GATAD1: variants seen among roughly 807,000 people sequenced by gnomAD.
GATAD1 encodes GATA zinc finger domain-containing protein 1.
A neutral mutation model predicts 26.5 loss-of-function variants in GATAD1; 12 were observed. That is an observed-to-expected ratio of 0.45 (90% CI 0.29 to 0.73). GATAD1 has a LOEUF of 0.73. Ranked by LOEUF, GATAD1 falls within the 30% of genes least tolerant of loss-of-function variation. GATAD1 has a pLI of 0.10. For synonymous variants in GATAD1, 129 were observed against 133.1 expected, an observed-to-expected ratio of 0.97 and a Z score of 0.21; for missense variants, 266 against 342.1, an observed-to-expected ratio of 0.78 and a Z score of 1.75.
chr7:92,473,998 GCTTA>G, the GATAD1 span, among the ~76,000 whole-genome samples: 3 of 152,060 alleles, frequency 2.0e-5, no homozygotes, highest in African/African-American at 4.8e-5. Flanking sequence ...CGAGGGGGCG[GCTTA>G]CTTCTACTTG....
chr7:92,447,533 CCT>C lies in GATAD1; in HGVS notation c.-196_-195del. The stretch of plus-strand genomic sequence containing the variant: ...TCGGGCCAGGGAATCCTGGCCTCCG[CCT>C]GCGGAGCCGGCGGAACCCGCTTCCC... On this transcript the variant is annotated 5_prime_UTR_variant, in exon 1 of 5. Transcript: ENST00000287957. The C allele has an allele frequency of 1.8e-6, 1 of 555,450 alleles. No homozygotes were observed. The highest frequency in any genetic ancestry group is 2.7e-6 in the Non-Finnish European group (1 of 369,594). The allele number at this position is 555,450 out of a possible 1,614,324, so 34.4% of individuals were successfully genotyped here.
At chr7:92,487,568 A>G in the GATAD1 span, 400 of 1,056,464 alleles carry the variant, frequency 3.8e-4, no homozygotes, top group Non-Finnish European at 1.0e-5. Flanking sequence ...ATAATTTAAT[A>G]TGTATAAATA....
the GATAD1 span, chr7:92,494,659 G>A: frequency 6.2e-7 from 1 of 1,610,308 alleles, no homozygotes; most frequent in East Asian, 2.2e-5. Context: ...TTTCATATTT[G>A]AATCAGGCTT....
At chr7:92,449,083 G>A in intron 2 of GATAD1, 1 of 1,082,772 alleles carries the variant, frequency 9.2e-7, no homozygotes, top group Non-Finnish European at 1.2e-6. Flanking sequence ...TTTCCTTTTT[G>A]TTTTTTAGCT....
chr7:92,468,101 A>T, the GATAD1 span, among the ~76,000 whole-genome samples: 3 of 152,192 alleles, frequency 2.0e-5, no homozygotes, highest in Non-Finnish European at 2.9e-5. Flanking sequence ...TTATAGCTCT[A>T]TTAGAAGCTG....
chr7:92,480,471 A>G, the GATAD1 span, among the ~76,000 whole-genome samples: 1 of 152,194 alleles, frequency 6.6e-6, no homozygotes, highest in African/African-American at 2.4e-5. Flanking sequence ...CTGAGAAGTG[A>G]TTTCCTTGAG....
At chr7:92,449,356 A>C (rs1789318535) in intron 2 of GATAD1, 1 of 960,618 alleles carries the variant, frequency 1.0e-6, no homozygotes, top group African/African-American at 1.8e-5. Flanking sequence ...TATTTGATGA[A>C]TATGAGTCAA....
the GATAD1 span, among the ~76,000 whole-genome samples, chr7:92,479,821 C>T: frequency 1.3e-5 from 2 of 151,902 alleles, no homozygotes; most frequent in Non-Finnish European, 2.9e-5. Flanking sequence ...TTGTATAGAA[C>T]GATTGGTGAT....
At chr7:92,494,297 T>C in the GATAD1 span, 1 of 1,611,120 alleles carries the variant, frequency 6.2e-7, no homozygotes, top group Non-Finnish European at 8.5e-7. Flanking sequence ...TGTCACCTGA[T>C]CAGGAGGAGG....
the GATAD1 span, chr7:92,468,327 T>G: frequency 1.2e-5 from 2 of 173,064 alleles, no homozygotes; most frequent in Non-Finnish European, 2.4e-5. Context: ...ACAGCAGTGG[T>G]GGATGGCGAG....
At chr7:92,455,602 A>C (rs1389783458) in intron 4 of GATAD1, among the ~76,000 whole-genome samples, 1 of 152,178 alleles carries the variant, frequency 6.6e-6, no homozygotes, top group Non-Finnish European at 1.5e-5. Context: ...TCAGATTTTT[A>C]CAGTTACTTC....
At chr7:92,451,386 G>T (rs1789423143) in intron 3 of GATAD1, among the ~76,000 whole-genome samples, 2 of 152,226 alleles carry the variant, frequency 1.3e-5, no homozygotes, top group Admixed American at 6.5e-5. Context: ...AAAGGAATTA[G>T]AACATAGACC....
chr7:92,470,102 G>A, the GATAD1 span: 2 of 778,654 alleles, frequency 2.6e-6, no homozygotes, highest in African/African-American at 3.4e-5. Flanking sequence ...GGACAACTAG[G>A]ATTAATCATT....
At chr7:92,477,304 C>A in the GATAD1 span, 1 of 152,356 alleles carries the variant, frequency 6.6e-6, no homozygotes, top group African/African-American at 2.4e-5. Context: ...AACTGGCCGA[C>A]AAGTGCCCGG....
the GATAD1 span, among the ~76,000 whole-genome samples, chr7:92,490,575 C>T: frequency 7.3e-6 from 1 of 137,048 alleles, no homozygotes; most frequent in Non-Finnish European, 1.5e-5. Context: ...GTCAAGGCTG[C>T]AGTGAGCCAT....
rs748482438 is a variant in GATAD1, at chr7:92,447,988, T to TC, written c.249+12dup. ...CGGGGGCGGCAAGCAGGTGAGCTCC[T>TC]CCGGCCCCTCCCGCCGGCGGAGGCC... On this transcript the variant is annotated intron_variant, in intron 1 of 4. Coordinates refer to ENST00000287957, the MANE Select transcript of GATAD1 (RefSeq NM_021167.5). 1 of 1,212,634 alleles carries TC rather than the reference T, an allele frequency of 8.2e-7. No homozygotes were observed. Among genetic ancestry groups the TC allele is most frequent in the South Asian group, 4.1e-5 (1 of 24,334 alleles). 75.1% of individuals were successfully genotyped at this position (1,212,634 alleles called of 1,614,324 possible).
chr7:92,476,632 T>C, the GATAD1 span, among the ~76,000 whole-genome samples: 1 of 152,096 alleles, frequency 6.6e-6, no homozygotes, highest in East Asian at 1.9e-4. Flanking sequence ...CTCTCTCTTC[T>C]GTCTCTCTCA....
the GATAD1 span, chr7:92,470,627 A>G: frequency 4.9e-6 from 2 of 407,638 alleles, no homozygotes; most frequent in South Asian, 1.4e-4. Context: ...GGGGAATTAG[A>G]GGGAAGGGAC....
intron 2 of GATAD1, chr7:92,449,228 CTT>C: frequency 4.7e-6 from 4 of 850,012 alleles, no homozygotes; most frequent in Non-Finnish European, 5.7e-6. Flanking sequence ...ACTAAGAAAA[CTT>C]TTTTTTTTCA....
Sources: allele counts gnomAD v4.1 joint callset (sites outside exome capture counted in the v4.1 genomes callset), GRCh38; gene constraint gnomAD v4.1.1; transcripts MANE v1.5; gene names NCBI Gene and HGNC (gene_info 2026-07-23, HGNC 2026-07-21).